The following CEP131 variants were observed in gnomAD, a reference collection of about 807,000 sequenced individuals.
CEP131 encodes centrosomal protein 131, also known as centrosomal protein of 131 kDa.
A neutral mutation model predicts 136.8 loss-of-function variants in CEP131; 99 were observed. The ratio of observed to expected loss-of-function variants is 0.72; its 90% CI spans 0.62 to 0.86. The LOEUF (loss-of-function observed/expected upper bound fraction) is 0.86. Among genes scored for constraint, CEP131 ranks in the 40% least tolerant of loss-of-function variants. The pLI is 0.00. For missense variants in CEP131, 1,459 were observed against 1,463.0 expected (o/e 1.00, Z 0.04); for synonymous variants, 646 against 612.7 (o/e 1.05, Z -0.80).
At chr17:81,213,987 C>T (rs1423836933) in intron 2 of CEP131, among the ~76,000 whole-genome samples, 1 of 152,204 alleles carries the variant, frequency 6.6e-6, no homozygotes, top group Non-Finnish European at 1.5e-5. Context: ...TCATCAAAAA[C>T]AAGGAGAGTC....
chr17:81,192,685 G>GGGGGGGGGCCCC, intron 19 of CEP131, 51 bp downstream of exon 19: 1 of 478,430 alleles, frequency 2.1e-6, no homozygotes, highest in Non-Finnish European at 4.1e-6. Context: ...GGGGGGAGGG[G>GGGGGGGGGCCCC]TCAGCCAGCG....
rs1282649370 is a variant in CEP131, at chr17:81,189,895, G to A, written c.3168+20C>T. ...TGCTCCCAGCCCCGAGGTCCAGCAG[G>A]GCTGGCCACAGGGACTCACCTCATG... On this transcript the variant is annotated intron_variant, in intron 25 of 25. Coordinates refer to ENST00000450824, the MANE Select transcript of CEP131 (RefSeq NM_014984.4). The A allele has an allele frequency of 1.3e-5, 21 of 1,612,624 alleles. No individual in the cohort carries two copies. The highest frequency in any genetic ancestry group is 1.7e-5 in the Non-Finnish European group (20 of 1,179,722).
intron 1 of CEP131, among the ~76,000 whole-genome samples, chr17:81,221,982 A>ACCCTGCCACTGACCAGGT (rs1236958840): frequency 1.3e-5 from 2 of 151,956 alleles, no homozygotes; most frequent in Admixed American, 1.3e-4. Context: ...CTAGAGGCTG[A>ACCCTGCCACTGACCAGGT]CCCTGCCACT....
At chr17:81,202,749 G>A (rs921876515) in intron 6 of CEP131, among the ~76,000 whole-genome samples, 2 of 152,180 alleles carry the variant, frequency 1.3e-5, no homozygotes, top group Non-Finnish European at 2.9e-5. Flanking sequence ...ATCACCTGAG[G>A]TCACGAGTTC....
chr17:81,216,188 C>T (rs1414593831), intron 2 of CEP131, among the ~76,000 whole-genome samples: 6 of 151,998 alleles, frequency 3.9e-5, no homozygotes, highest in South Asian at 4.1e-4. Flanking sequence ...GGCGAAACCC[C>T]GTCGCTACTA....
At chr17:81,198,825 T>C (rs1221420156) in intron 11 of CEP131, 52 bp downstream of exon 11, 6 of 1,517,680 alleles carry the variant, frequency 4.0e-6, no homozygotes, top group South Asian at 2.4e-5. Context: ...GGCACAGACA[T>C]GGCCCTTAAA....
intron 12 of CEP131, 63 bp downstream of exon 12, chr17:81,198,052 G>C: frequency 2.0e-6 from 3 of 1,496,482 alleles, no homozygotes; most frequent in Non-Finnish European, 2.7e-6. Flanking sequence ...CACAGCCACC[G>C]CATGCTCTGT....
Position 81,192,601 on chromosome 17 carries a change from C to A in CEP131, c.2430-8G>T. The A allele has an allele frequency of 6.3e-7, 1 of 1,581,106 alleles. No individual in the cohort carries two copies. Among genetic ancestry groups the A allele is most frequent in the Non-Finnish European group, 8.6e-7 (1 of 1,166,038 alleles). On this transcript the variant is annotated splice_polypyrimidine_tract_variant and splice_region_variant and intron_variant, in intron 19 of 25. Coordinates refer to ENST00000450824, the MANE Select transcript of CEP131 (RefSeq NM_014984.4). ...TCCAGCTCCGCCCGCTGCCTGCGGC[C>A]AGGGAGGAGTCAGCAGGTGAGGGGT...
chr17:81,201,237 C>A (rs188804203), intron 7 of CEP131, among the ~76,000 whole-genome samples: 3 of 152,280 alleles, frequency 2.0e-5, no homozygotes, highest in Non-Finnish European at 4.4e-5. Context: ...CTTCTGGTCC[C>A]CCTTCCCTCG....
rs560455125 is a variant in CEP131, at chr17:81,220,558, G to A, written c.-17-485C>T. ...CACCCAGGCTGGAGTGCAGTGGCGC[G>A]ATCTCGGCTCATTGCCACCTCTGCC... is the stretch of plus-strand genomic sequence containing the variant. On this transcript the variant is annotated intron_variant, in intron 1 of 25. Coordinates refer to ENST00000450824, the MANE Select transcript of CEP131 (RefSeq NM_014984.4). Among the ~76,000 whole-genome samples the A allele has an allele frequency of 4.7e-3, 721 of 152,228 alleles. 4 individuals carry two copies. The highest frequency in any genetic ancestry group is 0.01 in the Middle Eastern group (3 of 294).
intron 24 of CEP131, 130 bp downstream of exon 24, chr17:81,190,509 G>T: frequency 8.2e-7 from 1 of 1,216,212 alleles, no homozygotes; most frequent in Non-Finnish European, 1.1e-6. Flanking sequence ...ACCAGCCTCT[G>T]TCTACAGGGC....
intron 24 of CEP131, 39 bp downstream of exon 24, chr17:81,190,600 C>T (rs750833778): frequency 1.3e-6 from 2 of 1,514,222 alleles, no homozygotes; most frequent in African/African-American, 1.4e-5. Context: ...GCTCCCCTGC[C>T]CCGCCTCCGT....
Position 81,203,934 on chromosome 17 carries a change from G to T in CEP131, c.516-327C>A. ...GCTTCCAGAGCAGACTCACAGAAGC[G>T]AAGCCCCATCCCACACGACGGATGG... On this transcript the variant is annotated intron_variant, in intron 5 of 25. Coordinates refer to ENST00000450824, the MANE Select transcript of CEP131 (RefSeq NM_014984.4). The surrounding 1 kb of genome is among the most constrained non-coding windows in gnomAD (Gnocchi z 4.6). 3.5e-6 allele frequency: 1 copy of T among 285,908 alleles called. No homozygotes were observed. The highest frequency in any genetic ancestry group is 6.7e-6 in the Non-Finnish European group (1 of 149,770). 17.7% of individuals were successfully genotyped at this position (285,908 alleles called of 1,614,324 possible).
At chr17:81,196,079 G>A in intron 15 of CEP131, 128 bp from the exon 16 acceptor site, 1 of 699,360 alleles carries the variant, frequency 1.4e-6, no homozygotes, top group Non-Finnish European at 2.4e-6. Flanking sequence ...CCCCTCCTAG[G>A]TTTGTGGATG....
Position 81,195,887 on chromosome 17 carries a change from T to C in CEP131, c.1964A>G (p.Glu655Gly), listed in dbSNP as rs776392487. ...CACACGCTCGGTGCATCTCTGGTCCTCCTGCTTCAGCTCGGCCACCACAGC... is the reference window on the plus strand; with the variant it reads ...CACACGCTCGGTGCATCTCTGGTCCCCCTGCTTCAGCTCGGCCACCACAGC... ...CEAVVAELKQEDQRCTERVAQ... is the reference protein window; with the variant it reads ...CEAVVAELKQGDQRCTERVAQ... The change falls in exon 16 of 26, where the codon GAG becomes GGG. Residue 655 changes from glutamate to glycine, a missense_variant. Physicochemically the swap from Glu to Gly is moderately conservative, Grantham distance 98. Transcript: ENST00000450824. 1.2e-6 allele frequency: 2 copies of C among 1,609,442 alleles called. No individual in the cohort carries two copies. The highest frequency in any genetic ancestry group is 1.7e-5 in the Admixed American group (1 of 60,008).
At chr17:81,213,680 A>G (rs1386964427) in intron 2 of CEP131, among the ~76,000 whole-genome samples, 1 of 152,082 alleles carries the variant, frequency 6.6e-6, no homozygotes, top group African/African-American at 2.4e-5. Flanking sequence ...CACCCCTTCC[A>G]TGTGGGCTGA....
At chr17:81,207,433 G>A (rs1469349669) in intron 3 of CEP131, among the ~76,000 whole-genome samples, 194 bp from the exon 4 acceptor site, 4 of 152,174 alleles carry the variant, frequency 2.6e-5, no homozygotes, top group African/African-American at 9.7e-5. Flanking sequence ...CGTTCAGGGT[G>A]AGCTTCCATC....
rs779149640 is a variant in CEP131 at position 81,192,840 on chromosome 17, G to C, written c.2325C>G (p.Phe775Leu). The C allele has an allele frequency of 1.3e-6, 2 of 1,597,324 alleles. No individual in the cohort carries two copies. Among genetic ancestry groups the C allele is most frequent in the South Asian group, 2.2e-5 (2 of 90,718 alleles). Residue 775 changes from phenylalanine (F) to leucine (L), a missense_variant, in exon 19 of 26, where the codon TTC (phenylalanine) becomes TTG (leucine). Physicochemically the swap from Phe to Leu is conservative, Grantham distance 22. Coordinates refer to ENST00000450824, the MANE Select transcript of CEP131 (RefSeq NM_014984.4). ...ACTGCTCCTGCTCCAGGTGCTGCTG[G>C]AACCTGCGGGACGGTCAGGACTGGC... is the stretch of plus-strand genomic sequence containing the variant. ...QQERERARQR[F>L]QQHLEQEQWA...
At position 81,190,708 on chromosome 17, in the gene CEP131, C is replaced by T. The variant is rs751942226; in HGVS notation, c.3038G>A (p.Arg1013Gln). ...DRLAASEEET[R>Q]QAKAELATLQ... ...CGTGGCCAGCTCGGCCTTGGCCTGC[C>T]GCGTCTCCTCCTCAGAGGCTGCCAG... Residue 1013 changes from arginine to glutamine, a missense_variant, in exon 24 of 26, where the codon CGG (arginine) becomes CAG (glutamine). Physicochemically the swap from Arg to Gln is conservative, Grantham distance 43. Transcript: ENST00000450824. 75 of 1,608,830 alleles carry T rather than the reference C, an allele frequency of 4.7e-5. No homozygotes were observed. Among genetic ancestry groups the T allele is most frequent in the South Asian group, 4.4e-4 (40 of 90,686 alleles).
Sources: gnomAD v4.1 joint callset for allele counts (sites outside exome capture counted in the v4.1 genomes callset) on GRCh38, gnomAD v4.1.1 for gene constraint, Gnocchi (gnomAD v3.1) non-coding constraint, MANE v1.5 for transcripts, NCBI Gene and HGNC (gene_info 2026-07-23, HGNC 2026-07-21) for gene names.